PREX1: variants seen among roughly 807,000 people sequenced by gnomAD.
The protein encoded by PREX1 is phosphatidylinositol 3,4,5-trisphosphate-dependent Rac exchanger 1 protein.
Under a neutral mutation model 198.3 loss-of-function variants are expected in PREX1, and 41 were observed. That is an observed-to-expected ratio of 0.21 (90% CI 0.16 to 0.27). The LOEUF (loss-of-function observed/expected upper bound fraction) is 0.27. Among genes scored for constraint, PREX1 ranks in the 10% least tolerant of loss-of-function variants. The pLI, the probability that PREX1 is intolerant of heterozygous loss-of-function variation, is 1.00. For synonymous variants in PREX1, 843 were observed against 887.2 expected (o/e 0.95, Z 0.89); for missense variants, 1,620 against 2,200.7 (o/e 0.74, Z 5.28).
chr20:48,680,670 G>C (rs2089743614), intron 11 of PREX1, among the ~76,000 whole-genome samples: 1 of 151,122 alleles, frequency 6.6e-6, no homozygotes, highest in African/African-American at 2.4e-5. Flanking sequence ...TGCCCACCTG[G>C]GTCCCTCCCT....
At chr20:48,783,430 C>T (rs1238723501) in intron 1 of PREX1, among the ~76,000 whole-genome samples, 2 of 152,066 alleles carry the variant, frequency 1.3e-5, no homozygotes, top group Admixed American at 6.5e-5. Context: ...TGGTTCAGCA[C>T]ATGTGTAGTT....
intron 10 of PREX1, among the ~76,000 whole-genome samples, chr20:48,687,544 G>C (rs1274599874): frequency 6.6e-6 from 1 of 152,202 alleles, no homozygotes; most frequent in Non-Finnish European, 1.5e-5. Context: ...GTGATAAAGT[G>C]GCAGCTTTTA....
At chr20:48,789,524 TC>T (rs2090327869) in intron 1 of PREX1, among the ~76,000 whole-genome samples, 1 of 152,026 alleles carries the variant, frequency 6.6e-6, no homozygotes, top group East Asian at 1.9e-4. Flanking sequence ...GGGAGCGGAG[TC>T]ACCTGCCCAG....
At chr20:48,638,132 C>T (rs1289661140) in intron 30 of PREX1, among the ~76,000 whole-genome samples, 1 of 152,150 alleles carries the variant, frequency 6.6e-6, no homozygotes, top group African/African-American at 2.4e-5. Flanking sequence ...AACAGACACC[C>T]AAGTGCATGC....
intron 1 of PREX1, among the ~76,000 whole-genome samples, chr20:48,825,462 G>C (rs975699806): frequency 6.6e-6 from 1 of 152,176 alleles, no homozygotes; most frequent in African/African-American, 2.4e-5. Flanking sequence ...CAAATGTAAA[G>C]TGTTAAGGAG....
In PREX1 at chr20:48,702,118, G is replaced by A. The variant is rs543734174; in HGVS notation, c.784-1232C>T. Reference sequence around the variant, plus strand: ...CAGCTACTCGGGAGGCTGAGGCAGAGAATCGCTTGAACCCGGGAGGCAAAG... The same window carrying A: ...CAGCTACTCGGGAGGCTGAGGCAGAAAATCGCTTGAACCCGGGAGGCAAAG... On this transcript the variant is annotated intron_variant, in intron 6 of 39. Coordinates refer to ENST00000371941, the MANE Select transcript of PREX1 (RefSeq NM_020820.4). Among the ~76,000 whole-genome samples, 260 of 150,930 alleles carry A rather than the reference G, an allele frequency of 1.7e-3. 1 individual carries two copies. The highest frequency in any genetic ancestry group is 2.8e-3 in the Non-Finnish European group (193 of 67,886).
chr20:48,676,344 C>T, intron 13 of PREX1, 76 bp from the exon 14 acceptor site: 1 of 1,364,206 alleles, frequency 7.3e-7, no homozygotes, highest in Non-Finnish European at 1.0e-6. Flanking sequence ...GACTTCCCTG[C>T]AGGACGTGCC....
At chr20:48,686,792 G>A (rs966227169) in intron 10 of PREX1, among the ~76,000 whole-genome samples, 9 of 152,210 alleles carry the variant, frequency 5.9e-5, no homozygotes, top group South Asian at 2.1e-4. Flanking sequence ...AGTCCATGGC[G>A]CCCTGCAGGT....
the PREX1 span, among the ~76,000 whole-genome samples, chr20:48,846,916 G>A: frequency 6.6e-6 from 1 of 152,208 alleles, no homozygotes; most frequent in Admixed American, 6.5e-5. Flanking sequence ...GGACAGGCCA[G>A]AGATGGCTGC....
At chr20:48,649,264 C>A (rs1172669231) in intron 25 of PREX1, 36 bp downstream of exon 25, 2 of 1,595,038 alleles carry the variant, frequency 1.3e-6, no homozygotes, top group Non-Finnish European at 1.7e-6. Context: ...GAACACCTGC[C>A]CCTGCTCACG....
intron 5 of PREX1, among the ~76,000 whole-genome samples, chr20:48,720,127 T>C (rs2089978837): frequency 6.6e-6 from 1 of 152,208 alleles, no homozygotes; most frequent in Non-Finnish European, 1.5e-5. Flanking sequence ...AGGTACCTGC[T>C]TGACTTCCTC....
intron 1 of PREX1, among the ~76,000 whole-genome samples, chr20:48,792,387 T>C (rs1280548979): frequency 6.6e-6 from 1 of 152,050 alleles, no homozygotes; most frequent in Non-Finnish European, 1.5e-5. Flanking sequence ...GGAGAATCAC[T>C]TGAACCCAGA....
Position 48,745,229 on chromosome 20 carries a change from G to T in PREX1, c.292-82C>A, listed in dbSNP as rs527398036. On this transcript the variant is annotated intron_variant, in intron 2 of 39. Transcript: ENST00000371941. Reference sequence around the variant, plus strand: ...CAAGCACTGAAAAAATACAAACCTCGGTGCGGGTGACATTGTAGTCAAAGA... The same window carrying T: ...CAAGCACTGAAAAAATACAAACCTCTGTGCGGGTGACATTGTAGTCAAAGA... The T allele has an allele frequency of 9.0e-6, 13 of 1,442,928 alleles. No individual in the cohort carries two copies. In the Admixed American group the frequency reaches 2.6e-4, roughly 29 times the overall value. 89.4% of individuals were successfully genotyped at this position (1,442,928 alleles called of 1,614,324 possible).
chr20:48,694,659 G>A (rs563345946), intron 7 of PREX1, among the ~76,000 whole-genome samples: 4 of 152,324 alleles, frequency 2.6e-5, no homozygotes, highest in African/African-American at 9.6e-5. Context: ...TTGTTCCCAC[G>A]CCGACTTGGC....
intron 1 of PREX1, among the ~76,000 whole-genome samples, chr20:48,757,284 G>A (rs2090159666): frequency 6.6e-6 from 1 of 152,182 alleles, no homozygotes; most frequent in Admixed American, 6.6e-5. Context: ...TACAGTTCCT[G>A]TGTCCCCTAC....
rs529292023 is a variant in PREX1, at chr20:48,666,399, G to A, written c.1666-44C>T. 1.9e-5 allele frequency: 29 copies of A among 1,493,310 alleles called. 1 individual carries two copies. In the South Asian group the frequency reaches 2.4e-4, roughly 12 times the overall value. 92.5% of individuals were successfully genotyped at this position (1,493,310 alleles called of 1,614,324 possible). A position where few individuals can be genotyped will look rare whatever the true frequency, so the allele number is the denominator to read the frequency against. ...GGGAGGGTGTTAGGTGGCAGCATCC[G>A]AGAGGCCATGCATGGCCAACGAGAA... On this transcript the variant is annotated intron_variant, in intron 14 of 39. Coordinates refer to ENST00000371941, the MANE Select transcript of PREX1 (RefSeq NM_020820.4). This position sits in a 1 kb window ranked among gnomAD's most constrained non-coding sequence, Gnocchi z 4.3.
chr20:48,642,906 C>G (rs2089424928), intron 27 of PREX1, among the ~76,000 whole-genome samples: 1 of 152,232 alleles, frequency 6.6e-6, no homozygotes, highest in Admixed American at 6.5e-5. Flanking sequence ...AAATCTGTAT[C>G]TAAAGTTCAA....
chr20:48,715,124 T>C (rs959303150), intron 5 of PREX1, among the ~76,000 whole-genome samples: 1 of 152,174 alleles, frequency 6.6e-6, no homozygotes, highest in African/African-American at 2.4e-5. Context: ...AACAGATACA[T>C]GAACTTCCAG....
At chr20:48,757,596 G>C (rs139522534) in intron 1 of PREX1, among the ~76,000 whole-genome samples, 1 of 152,324 alleles carries the variant, frequency 6.6e-6, no homozygotes, top group Non-Finnish European at 1.5e-5. Flanking sequence ...TCGCTGACAT[G>C]AGGATTAAAT....
Sources: gnomAD v4.1 joint callset for allele counts (sites outside exome capture counted in the v4.1 genomes callset) on GRCh38, gnomAD v4.1.1 for gene constraint, Gnocchi (gnomAD v3.1) non-coding constraint, MANE v1.5 for transcripts, NCBI Gene and HGNC (gene_info 2026-07-23, HGNC 2026-07-21) for gene names.